The following FAM20B variants were observed in gnomAD, a reference collection of about 807,000 sequenced individuals.
The protein encoded by FAM20B is FAM20B glycosaminoglycan xylosylkinase.
Under a neutral mutation model 43.8 loss-of-function variants are expected in FAM20B, and 23 were observed. That is an observed-to-expected ratio of 0.53 (90% CI 0.38 to 0.74). FAM20B has a LOEUF of 0.74. FAM20B is among the 30% of genes least tolerant of loss of function. The pLI, the probability that FAM20B is intolerant of heterozygous loss-of-function variation, is 0.00. For missense variants in FAM20B, 440 were observed against 510.5 expected, an observed-to-expected ratio of 0.86 and a Z score of 1.33; for synonymous variants, 178 against 192.4, an observed-to-expected ratio of 0.93 and a Z score of 0.62.
chr1:179,036,131 A>G (rs2102487578), intron 1 of FAM20B, among the ~76,000 whole-genome samples: 1 of 152,212 alleles, frequency 6.6e-6, no homozygotes, highest in East Asian at 1.9e-4. Context: ...CTCTGTCTCA[A>G]AATAAAAAAA....
Position 179,072,180 on chromosome 1 carries a change from A to G in FAM20B, c.*36A>G. ...AAAATAAGTGAAACTTCTTTTTACA[A>G]AGATAGAGAAACAGCACAATCAATT... is the stretch of plus-strand genomic sequence containing the variant. On this transcript the variant is annotated 3_prime_UTR_variant, in exon 8 of 8. Coordinates refer to ENST00000263733, the MANE Select transcript of FAM20B (RefSeq NM_014864.4). 2 of 1,487,462 alleles carry G rather than the reference A, an allele frequency of 1.3e-6. No individual in the cohort carries two copies. Among genetic ancestry groups the G allele is most frequent in the Non-Finnish European group, 1.9e-6 (2 of 1,078,686 alleles). 92.1% of individuals were successfully genotyped at this position (1,487,462 alleles called of 1,614,324 possible). A position where few individuals can be genotyped will look rare whatever the true frequency, so the allele number is the denominator to read the frequency against.
At position 179,075,758 on chromosome 1, in the gene FAM20B, G is replaced by A. The variant is rs1484131599; in HGVS notation, c.*3614G>A. 6 of 151,358 alleles carry A rather than the reference G, an allele frequency of 4.0e-5. No homozygotes were observed. Among genetic ancestry groups the A allele is most frequent in the East Asian group, 3.9e-4 (2 of 5,134 alleles). 9.4% of individuals were successfully genotyped at this position (151,358 alleles called of 1,614,324 possible). ...GCCAGCATTATCTTCCAAAGAAATC[G>A]ATCTTTTTTTTCTAAAAAAAAAAAA... On this transcript the variant is annotated 3_prime_UTR_variant, in exon 8 of 8. Coordinates refer to ENST00000263733, the MANE Select transcript of FAM20B (RefSeq NM_014864.4).
intron 1 of FAM20B, among the ~76,000 whole-genome samples, chr1:179,027,079 C>T (rs1306109747): frequency 1.3e-5 from 2 of 152,192 alleles, no homozygotes; most frequent in Non-Finnish European, 2.9e-5. Flanking sequence ...TCAGCATCTT[C>T]CCCACCCAGC....
chr1:179,049,846 A>G (rs1365740961), intron 2 of FAM20B, among the ~76,000 whole-genome samples: 1 of 152,130 alleles, frequency 6.6e-6, no homozygotes, highest in East Asian at 1.9e-4. Context: ...CTGGCCAGCA[A>G]AAGTTTTAAT....
intron 2 of FAM20B, among the ~76,000 whole-genome samples, chr1:179,049,650 C>T (rs974212216): frequency 6.6e-6 from 1 of 152,166 alleles, no homozygotes; most frequent in African/African-American, 2.4e-5. Context: ...AAGCGATTCT[C>T]CTGACTCAGC....
At chr1:179,049,648 C>G (rs4651011) in intron 2 of FAM20B, among the ~76,000 whole-genome samples, 71,068 of 152,028 alleles carry the variant, frequency 0.47, 17,018 homozygotes, top group African/African-American at 0.54. Flanking sequence ...TCAAGCGATT[C>G]TCCTGACTCA....
intron 4 of FAM20B, among the ~76,000 whole-genome samples, chr1:179,062,637 G>A (rs189711110): frequency 2.0e-5 from 3 of 151,590 alleles, no homozygotes; most frequent in Admixed American, 6.6e-5. Context: ...GCAACAGAGC[G>A]AGACTCCATC....
chr1:179,060,366 G>A (rs1651413153), intron 4 of FAM20B, among the ~76,000 whole-genome samples: 1 of 152,100 alleles, frequency 6.6e-6, no homozygotes, highest in South Asian at 2.1e-4. Flanking sequence ...TATGTCAGGG[G>A]TCCCCAACCC....
chr1:179,043,293 C>A (rs1043396944), intron 1 of FAM20B, among the ~76,000 whole-genome samples: 2 of 152,214 alleles, frequency 1.3e-5, no homozygotes, highest in Non-Finnish European at 2.9e-5. Flanking sequence ...TTTTGCTCCA[C>A]CCCAGAGTGG....
intron 4 of FAM20B, among the ~76,000 whole-genome samples, chr1:179,061,926 AT>A (rs1476005160): frequency 6.6e-6 from 1 of 152,068 alleles, no homozygotes; most frequent in African/African-American, 2.4e-5. Flanking sequence ...TTCCTGTGTC[AT>A]TTTGGAATGG....
intron 7 of FAM20B, among the ~76,000 whole-genome samples, chr1:179,070,172 A>G (rs1307980620): frequency 6.6e-6 from 1 of 151,738 alleles, no homozygotes; most frequent in Non-Finnish European, 1.5e-5. Flanking sequence ...CAGCCTCCCA[A>G]GTAGCTGGGA....
At chr1:179,070,895 G>T (rs1016798138) in intron 7 of FAM20B, among the ~76,000 whole-genome samples, 1 of 152,052 alleles carries the variant, frequency 6.6e-6, no homozygotes, top group Non-Finnish European at 1.5e-5. Context: ...CCTCTTAAAA[G>T]ACTCTACCTT....
At chr1:179,021,386 C>T (rs962980656), upstream of FAM20B, among the ~76,000 whole-genome samples, 5 of 152,136 alleles carry the variant, frequency 3.3e-5, no homozygotes, top group Admixed American at 6.5e-5. Context: ...AAAAGTATTA[C>T]CTTGTGGGAA....
chr1:179,049,848 A>G (rs1650927650), intron 2 of FAM20B, among the ~76,000 whole-genome samples: 1 of 152,134 alleles, frequency 6.6e-6, no homozygotes, highest in South Asian at 2.1e-4. Flanking sequence ...GGCCAGCAAA[A>G]GTTTTAATTA....
intron 1 of FAM20B, among the ~76,000 whole-genome samples, chr1:179,042,642 G>A (rs976083068): frequency 3.3e-5 from 5 of 152,142 alleles, no homozygotes; most frequent in Non-Finnish European, 7.4e-5. Context: ...CTGAGTTCTT[G>A]TCCCATGCCC....
intron 7 of FAM20B, among the ~76,000 whole-genome samples, chr1:179,071,074 C>T (rs1461880972): frequency 6.6e-6 from 1 of 151,746 alleles, no homozygotes; most frequent in Non-Finnish European, 1.5e-5. Flanking sequence ...GCGGGCGGAT[C>T]ACGAGGTCAG....
intron 2 of FAM20B, 150 bp downstream of exon 2, chr1:179,044,374 T>A: frequency 1.2e-6 from 1 of 838,902 alleles, no homozygotes; most frequent in Non-Finnish European, 1.8e-6. Flanking sequence ...TTCTAGCACT[T>A]AACATGAATC....
chr1:179,050,899 A>G (rs978727832), intron 3 of FAM20B, among the ~76,000 whole-genome samples: 1 of 152,196 alleles, frequency 6.6e-6, no homozygotes, highest in Non-Finnish European at 1.5e-5. Context: ...AGGTGGGCAG[A>G]TTGCATGAGC....
intron 7 of FAM20B, among the ~76,000 whole-genome samples, chr1:179,068,940 A>G (rs1227629521): frequency 1.3e-5 from 2 of 152,162 alleles, no homozygotes; most frequent in Non-Finnish European, 2.9e-5. Context: ...AACTCTCCAG[A>G]GTGCAGGTGG....
Sources: allele counts gnomAD v4.1 joint callset (sites outside exome capture counted in the v4.1 genomes callset), GRCh38; gene constraint gnomAD v4.1.1; transcripts MANE v1.5; gene names NCBI Gene and HGNC (gene_info 2026-07-23, HGNC 2026-07-21).